Variants in CTNNA3 observed in about 807,000 individuals in gnomAD.
CTNNA3 encodes catenin alpha-3.
A neutral mutation model predicts 95.7 loss-of-function variants in CTNNA3; 76 were observed. That is an observed-to-expected ratio of 0.79 (90% CI 0.66 to 0.96). The LOEUF (loss-of-function observed/expected upper bound fraction) is 0.96, where lower values mean the gene tolerates loss of function less well. CTNNA3 is among the 40% of genes least tolerant of loss of function. CTNNA3 has a pLI of 0.00. For synonymous variants in CTNNA3, 431 were observed against 374.4 expected (o/e 1.15, Z -1.74); for missense variants, 1,191 against 1,089.8 (o/e 1.09, Z -1.31).
chr10:66,115,791 T>C (rs188162124), intron 13 of CTNNA3, among the ~76,000 whole-genome samples: 3 of 152,126 alleles, frequency 2.0e-5, no homozygotes, highest in East Asian at 3.9e-4. Context: ...CAGCCACGGA[T>C]GTTAAGTAAG....
intron 12 of CTNNA3, among the ~76,000 whole-genome samples, chr10:66,329,511 G>A (rs1341464775): frequency 3.3e-5 from 5 of 151,842 alleles, no homozygotes; most frequent in Non-Finnish European, 7.4e-5. Context: ...TATAACATGC[G>A]GCACTGCCTG....
At chr10:66,192,104 A>G (rs7895052) in intron 13 of CTNNA3, among the ~76,000 whole-genome samples, 7,213 of 152,196 alleles carry the variant, frequency 0.047, 214 homozygotes, top group African/African-American at 0.066. Context: ...TTCTTTATAA[A>G]TTACAGTCTT....
At chr10:66,487,181 ATTTTTTTTTTTTTTTTT>A (rs60547696) in intron 11 of CTNNA3, among the ~76,000 whole-genome samples, 12 of 45,988 alleles carry the variant, frequency 2.6e-4, no homozygotes, top group African/African-American at 5.4e-4. Context: ...AAAAGGGCAG[ATTTTTTTTTTTTTTTTT>A]TTTTTTTTTT....
intron 5 of CTNNA3, among the ~76,000 whole-genome samples, chr10:67,259,206 G>A (rs1385106719): frequency 6.6e-6 from 1 of 152,012 alleles, no homozygotes; most frequent in Non-Finnish European, 1.5e-5. Context: ...TACAACACAA[G>A]TTCCCAGTCT....
At chr10:66,238,461 C>G (rs2089963152) in intron 13 of CTNNA3, among the ~76,000 whole-genome samples, 1 of 151,884 alleles carries the variant, frequency 6.6e-6, no homozygotes, top group Non-Finnish European at 1.5e-5. Flanking sequence ...ATTGTAAACT[C>G]AAATTTCTTG....
intron 10 of CTNNA3, among the ~76,000 whole-genome samples, chr10:66,611,964 T>C (rs1844343927): frequency 6.6e-6 from 1 of 152,128 alleles, no homozygotes; most frequent in Non-Finnish European, 1.5e-5. Context: ...CAAGTTCTTG[T>C]AGTTTTATTT....
intron 13 of CTNNA3, among the ~76,000 whole-genome samples, chr10:66,148,073 C>T (rs184812174): frequency 6.6e-6 from 1 of 151,816 alleles, no homozygotes; most frequent in Admixed American, 6.6e-5. Context: ...AAACTCATAT[C>T]CTTATTGCTC....
intron 5 of CTNNA3, among the ~76,000 whole-genome samples, chr10:67,355,665 C>T (rs570501569): frequency 1.3e-5 from 2 of 151,884 alleles, no homozygotes; most frequent in East Asian, 3.9e-4. Flanking sequence ...TATGAACATT[C>T]ATCCACCATC....
chr10:67,737,861 T>C (rs957156843), intron 1 of CTNNA3, among the ~76,000 whole-genome samples: 1 of 152,168 alleles, frequency 6.6e-6, no homozygotes, highest in Non-Finnish European at 1.5e-5. Flanking sequence ...TCCTCAAGGA[T>C]CTAGAACTAG....
intron 5 of CTNNA3, among the ~76,000 whole-genome samples, chr10:67,392,308 CTCA>C (rs1844531400): frequency 6.6e-6 from 1 of 152,160 alleles, no homozygotes; most frequent in African/African-American, 2.4e-5. Flanking sequence ...TGAAAAAATG[CTCA>C]TCATCACTGG....
At chr10:66,264,197 T>C in intron 13 of CTNNA3, among the ~76,000 whole-genome samples, 1 of 152,078 alleles carries the variant, frequency 6.6e-6, no homozygotes, top group Admixed American at 6.6e-5. Flanking sequence ...TAAATTGGAA[T>C]GAGACTTCTA....
At chr10:67,180,233 T>A in intron 7 of CTNNA3, 84 bp downstream of exon 7, 1 of 1,152,546 alleles carries the variant, frequency 8.7e-7, no homozygotes, top group African/African-American at 1.5e-5. Context: ...ATTTACCCTA[T>A]TTTGTATACG....
At chr10:66,745,535 G>T (rs1307102718) in intron 9 of CTNNA3, among the ~76,000 whole-genome samples, 1 of 151,116 alleles carries the variant, frequency 6.6e-6, no homozygotes, top group Non-Finnish European at 1.5e-5. Context: ...TTGTAGAATG[G>T]CTACTATATG....
chr10:67,281,209 A>C (rs1476174125), intron 5 of CTNNA3, among the ~76,000 whole-genome samples: 1 of 152,232 alleles, frequency 6.6e-6, no homozygotes, highest in African/African-American at 2.4e-5. Context: ...GATTTAACTA[A>C]ATAAGACCAA....
chr10:67,223,509 CAGG>C (rs755753780), intron 5 of CTNNA3, among the ~76,000 whole-genome samples: 1 of 152,100 alleles, frequency 6.6e-6, no homozygotes, highest in Non-Finnish European at 1.5e-5. Flanking sequence ...AGAAAGCTCA[CAGG>C]AGATTTCCAA....
intron 10 of CTNNA3, among the ~76,000 whole-genome samples, chr10:66,599,441 C>T (rs892385686): frequency 2.0e-5 from 3 of 151,844 alleles, no homozygotes; most frequent in African/African-American, 7.2e-5. Flanking sequence ...TGTACTATTC[C>T]CTTCAATTTT....
At position 67,566,041 on chromosome 10, in the gene CTNNA3, GTGTATATATATA is replaced by G. The variant is rs1192338108; in HGVS notation, c.293-26384_293-26373del. Among the ~76,000 whole-genome samples, 27 of 29,436 alleles carry G rather than the reference GTGTATATATATA, an allele frequency of 9.2e-4. 5 individuals carry two copies. The highest frequency in any genetic ancestry group is 3.3e-3 in the African/African-American group (24 of 7,372). The allele number at this position is 29,436 out of a possible 152,430, so 19.3% of individuals were successfully genotyped here. On this transcript the variant is annotated intron_variant, in intron 3 of 17. Transcript: ENST00000433211. ...AACACACACACACACATATGTGTGT[GTGTATATATATA>G]TATATATATATATATATATACAAAA... is the stretch of plus-strand genomic sequence containing the variant.
Position 67,313,001 on chromosome 10 carries a change from A to G in CTNNA3, c.580-93131T>C, listed in dbSNP as rs186963796. On this transcript the variant is annotated intron_variant, in intron 5 of 17. Transcript: ENST00000433211. Reference sequence around the variant, plus strand: ...TGTTCAAGATTACCCCTACATTACTACCTTCATGTTCATTCCTTACTTTAC... The same window carrying G: ...TGTTCAAGATTACCCCTACATTACTGCCTTCATGTTCATTCCTTACTTTAC... 8.1e-4 allele frequency among the ~76,000 whole-genome samples: 124 copies of G among 152,240 alleles called. 1 individual carries two copies. The highest frequency in any genetic ancestry group is 2.9e-3 in the African/African-American group (119 of 41,540).
At chr10:67,127,033 T>C (rs1414836550) in intron 7 of CTNNA3, among the ~76,000 whole-genome samples, 1 of 152,360 alleles carries the variant, frequency 6.6e-6, no homozygotes, top group East Asian at 1.9e-4. Flanking sequence ...ATTTTCTGCC[T>C]GACAACTCAA....
Sources: allele counts gnomAD v4.1 joint callset (sites outside exome capture counted in the v4.1 genomes callset), GRCh38; gene constraint gnomAD v4.1.1; transcripts MANE v1.5; gene names NCBI Gene and HGNC (gene_info 2026-07-23, HGNC 2026-07-21).